Variants in FRMD4A observed in about 807,000 individuals in gnomAD.
FRMD4A encodes FERM domain containing 4A.
Under a neutral mutation model 129.1 loss-of-function variants are expected in FRMD4A, and 29 were observed. The observed-to-expected ratio is 0.22, with a 90% CI of 0.17 to 0.31. The LOEUF (loss-of-function observed/expected upper bound fraction) is 0.31, where lower values mean the gene tolerates loss of function less well. Among genes scored for constraint, FRMD4A ranks in the 10% least tolerant of loss-of-function variants. FRMD4A has a pLI of 1.00. For synonymous variants in FRMD4A, 634 were observed against 571.6 expected, an observed-to-expected ratio of 1.11 and a Z score of -1.56; for missense variants, 1,272 against 1,375.8, an observed-to-expected ratio of 0.92 and a Z score of 1.19.
chr10:14,314,819 C>T (rs1459716674), intron 2 of FRMD4A, among the ~76,000 whole-genome samples: 1 of 152,136 alleles, frequency 6.6e-6, no homozygotes, highest in Non-Finnish European at 1.5e-5. Flanking sequence ...CAAATTTATC[C>T]TCTCTATGCT....
At chr10:13,685,179 C>T in intron 15 of FRMD4A, 3 of 985,090 alleles carry the variant, frequency 3.0e-6, no homozygotes, top group Non-Finnish European at 3.6e-6. Flanking sequence ...GAGAACTTTT[C>T]ATCAGGCTTA....
intron 2 of FRMD4A, among the ~76,000 whole-genome samples, chr10:14,161,847 A>G (rs888085508): frequency 1.3e-5 from 2 of 152,222 alleles, no homozygotes; most frequent in African/African-American, 4.8e-5. Context: ...GTTCAAGGTG[A>G]TGGACCCCCT....
chr10:13,696,908 G>C (rs2086277486), intron 14 of FRMD4A, among the ~76,000 whole-genome samples: 1 of 152,154 alleles, frequency 6.6e-6, no homozygotes, highest in Non-Finnish European at 1.5e-5. Flanking sequence ...TTTATGTAAA[G>C]GCCATCGTAA....
chr10:13,925,299 C>T (rs1312956203), intron 2 of FRMD4A, among the ~76,000 whole-genome samples: 3 of 152,060 alleles, frequency 2.0e-5, no homozygotes, highest in Non-Finnish European at 4.4e-5. Context: ...TGGAGATATA[C>T]ATTAAACAAA....
At chr10:13,828,501 T>C (rs1022929611) in intron 3 of FRMD4A, among the ~76,000 whole-genome samples, 5 of 151,968 alleles carry the variant, frequency 3.3e-5, no homozygotes, top group African/African-American at 1.2e-4. Flanking sequence ...TATTCCATTG[T>C]ATATGTATAC....
chr10:13,783,003 G>A lies in FRMD4A; in HGVS notation c.303C>T (p.Phe101=). 1 of 1,276,166 alleles carries A rather than the reference G, an allele frequency of 7.8e-7. No homozygotes were observed. Among genetic ancestry groups the A allele is most frequent in the Non-Finnish European group, 1.1e-6 (1 of 871,438 alleles). 79.1% of individuals were successfully genotyped at this position (1,276,166 alleles called of 1,614,324 possible). A position where few individuals can be genotyped will look rare whatever the true frequency, so the allele number is the denominator to read the frequency against. Residue 101 remains phenylalanine (F), a synonymous_variant, in exon 6 of 25, where the codon TTC becomes TTT. Transcript: ENST00000357447. ...GPVVLYFCVR[F]YIESISYLKD... ...TCAGGTATGAAATGCTTTCTATATA[G>A]AACCTGAAAGAGAAAAATGGTGCGT... is the stretch of plus-strand genomic sequence containing the variant.
At chr10:13,980,453 G>A (rs942312845) in intron 2 of FRMD4A, among the ~76,000 whole-genome samples, 1 of 152,226 alleles carries the variant, frequency 6.6e-6, no homozygotes, top group African/African-American at 2.4e-5. Flanking sequence ...TATAGGCTGG[G>A]TACAGCAGCT....
chr10:14,095,521 C>T (rs900720074), intron 2 of FRMD4A, among the ~76,000 whole-genome samples: 9 of 152,174 alleles, frequency 5.9e-5, no homozygotes, highest in Non-Finnish European at 1.2e-4. Flanking sequence ...CATAAAGAGC[C>T]GAAGCACCTC....
chr10:13,938,943 C>G (rs2095269748), intron 2 of FRMD4A, among the ~76,000 whole-genome samples: 1 of 150,990 alleles, frequency 6.6e-6, no homozygotes, highest in East Asian at 1.9e-4. Context: ...TTGTCACAAC[C>G]TGGAAGGCGC....
At chr10:14,109,845 G>A (rs971001033) in intron 2 of FRMD4A, among the ~76,000 whole-genome samples, 3 of 151,676 alleles carry the variant, frequency 2.0e-5, no homozygotes, top group African/African-American at 4.9e-5. Context: ...GGTGGCGGGC[G>A]CCTGTAATCC....
chr10:13,812,845 A>G (rs1418786585), intron 3 of FRMD4A, among the ~76,000 whole-genome samples: 1 of 152,240 alleles, frequency 6.6e-6, no homozygotes, highest in East Asian at 1.9e-4. Context: ...TGAATTTTGA[A>G]AAAGTGAAAA....
At chr10:13,911,859 G>T (rs2094944580) in intron 2 of FRMD4A, among the ~76,000 whole-genome samples, 2 of 152,056 alleles carry the variant, frequency 1.3e-5, no homozygotes, top group Non-Finnish European at 2.9e-5. Flanking sequence ...ACTGTGCCTG[G>T]CCTCAAGGAA....
At chr10:13,738,054 CA>C (rs1248225107) in intron 11 of FRMD4A, 124 bp from the exon 12 acceptor site, 1 of 656,042 alleles carries the variant, frequency 1.5e-6, no homozygotes, top group East Asian at 2.7e-5. Flanking sequence ...GGATGGAGCC[CA>C]CCTGTCTACT....
chr10:14,319,650 T>C (rs889347127), intron 2 of FRMD4A, among the ~76,000 whole-genome samples: 4 of 152,132 alleles, frequency 2.6e-5, no homozygotes, highest in Non-Finnish European at 5.9e-5. Context: ...GTGATTACAC[T>C]CCATTAGAAT....
At position 14,261,875 on chromosome 10, in the gene FRMD4A, G is replaced by A. The variant is rs76239259; in HGVS notation, c.45+68183C>T. ...TTTGGTGCCAATCTGTGTCTAAAAC[G>A]TAATAACTTAGGTGCTCCAACCCAG... is the stretch of plus-strand genomic sequence containing the variant. On this transcript the variant is annotated intron_variant, in intron 2 of 24. Transcript: ENST00000357447. Among the ~76,000 whole-genome samples, 1,431 of 150,270 alleles carry A rather than the reference G, an allele frequency of 9.5e-3. 26 individuals are homozygous for A. The highest frequency in any genetic ancestry group is 0.033 in the African/African-American group (1,360 of 40,860).
rs1304941753 is a variant in FRMD4A, at chr10:13,675,061, G to C, written c.1118-17C>G. On this transcript the variant is annotated splice_polypyrimidine_tract_variant and intron_variant, in intron 15 of 24. Transcript: ENST00000357447. ...CCTGAGAACCTGTCGATAAACAGTG[G>C]GGTTACTTGGCCAGCTGACAGGGGA... The C allele has an allele frequency of 1.2e-6, 2 of 1,609,488 alleles. No individual in the cohort carries two copies. Among genetic ancestry groups the C allele is most frequent in the African/African-American group, 1.3e-5 (1 of 74,890 alleles).
At chr10:14,099,332 G>A (rs891500488) in intron 2 of FRMD4A, among the ~76,000 whole-genome samples, 1 of 148,512 alleles carries the variant, frequency 6.7e-6, no homozygotes. Context: ...AAAGAGATGA[G>A]AGACAGAAGA....
intron 2 of FRMD4A, among the ~76,000 whole-genome samples, chr10:14,172,590 G>A (rs181293736): frequency 2.0e-4 from 30 of 152,334 alleles, no homozygotes; most frequent in Middle Eastern, 6.8e-3. Context: ...ACAATACTGC[G>A]ATAGTTTGCA....
chr10:14,294,746 C>T (rs768421677), intron 2 of FRMD4A, among the ~76,000 whole-genome samples: 7 of 152,206 alleles, frequency 4.6e-5, no homozygotes, highest in Non-Finnish European at 7.3e-5. Context: ...TTCGCTACCA[C>T]GATCTTCTAA....
Sources: allele counts gnomAD v4.1 joint callset (sites outside exome capture counted in the v4.1 genomes callset), GRCh38; gene constraint gnomAD v4.1.1; transcripts MANE v1.5; gene names NCBI Gene and HGNC (gene_info 2026-07-23, HGNC 2026-07-21).